The following FMNL2 variants were observed in gnomAD, a reference collection of about 807,000 sequenced individuals.
The protein encoded by FMNL2 is formin like 2, also known as formin-like protein 2.
In FMNL2, 51 loss-of-function variants were observed where a neutral mutation model predicts 130.2. That is an observed-to-expected ratio of 0.39 (90% CI 0.31 to 0.49). The LOEUF (loss-of-function observed/expected upper bound fraction) is 0.49, where lower values mean the gene tolerates loss of function less well. Ranked by LOEUF, FMNL2 falls within the 20% of genes least tolerant of loss-of-function variation. FMNL2 has a pLI of 0.85. For missense variants in FMNL2, 977 were observed against 1,316.2 expected (o/e 0.74, Z 3.99); for synonymous variants, 465 against 467.1 (o/e 1.00, Z 0.06).
At position 152,612,642 on chromosome 2, in the gene FMNL2, G is replaced by T. The variant is rs563872212; in HGVS notation, c.1062+1037G>T. 5.4e-4 allele frequency among the ~76,000 whole-genome samples: 82 copies of T among 152,222 alleles called. 1 individual carries two copies. Among genetic ancestry groups the T allele is most frequent in the Admixed American group, 2.5e-3 (38 of 15,290 alleles). On this transcript the variant is annotated intron_variant, in intron 11 of 25. Transcript: ENST00000288670. ...TTTCCTTCCTTTTTTTTGAGACAGG[G>T]TTTCACTTTGTCAACCAGGCTGGAG...
At chr2:152,481,087 C>T (rs953844739) in intron 1 of FMNL2, among the ~76,000 whole-genome samples, 4 of 152,200 alleles carry the variant, frequency 2.6e-5, no homozygotes, top group Admixed American at 2.0e-4. Context: ...TCTGCCTCTG[C>T]GCATGTTTCA....
At position 152,547,181 on chromosome 2, in the gene FMNL2, G is replaced by A. The variant is rs140673335; in HGVS notation, c.283-1840G>A. On this transcript the variant is annotated intron_variant, in intron 3 of 25. Transcript: ENST00000288670. ...TGGTCCTGAACTCCTGACCTCAGGT[G>A]ATCCACCCACCTTGGCCTCTCAAAG... is the stretch of plus-strand genomic sequence containing the variant. Among the ~76,000 whole-genome samples, 1,351 of 152,238 alleles carry A rather than the reference G, an allele frequency of 8.9e-3. 23 individuals are homozygous for A. The highest frequency in any genetic ancestry group is 0.03 in the African/African-American group (1,248 of 41,534).
chr2:152,554,224 T>C (rs1306309136), intron 4 of FMNL2, among the ~76,000 whole-genome samples: 1 of 152,112 alleles, frequency 6.6e-6, no homozygotes, highest in African/African-American at 2.4e-5. Context: ...CTGGGTAACA[T>C]GGTGAACCCC....
intron 17 of FMNL2, among the ~76,000 whole-genome samples, chr2:152,627,889 G>A (rs2105923952): frequency 6.6e-6 from 1 of 152,314 alleles, no homozygotes; most frequent in South Asian, 2.1e-4. Context: ...GTACTAATGT[G>A]TACAGTGTTA....
At chr2:152,573,316 A>G (rs574208317) in intron 6 of FMNL2, among the ~76,000 whole-genome samples, 1 of 152,338 alleles carries the variant, frequency 6.6e-6, no homozygotes, top group East Asian at 1.9e-4. Flanking sequence ...TGCTGCCAGG[A>G]TGACAGGATG....
chr2:152,462,993 C>T (rs761212230), intron 1 of FMNL2, among the ~76,000 whole-genome samples: 15 of 152,276 alleles, frequency 9.9e-5, no homozygotes, highest in African/African-American at 1.9e-4. Flanking sequence ...CCAACAGATT[C>T]GTTATCCTCT....
Position 152,567,653 on chromosome 2 carries a change from T to A in FMNL2, c.596+6618T>A, listed in dbSNP as rs574807396. Among the ~76,000 whole-genome samples the A allele has an allele frequency of 6.6e-5, 10 of 152,196 alleles. No homozygotes were observed. In the East Asian group the frequency reaches 9.6e-4, roughly 15 times the overall value. ...GAAAGAGGAAACCTAAAACCCCAAA[T>A]CTTGGTTAAAGTTCTATTAGCCCAG... On this transcript the variant is annotated intron_variant, in intron 6 of 25. Coordinates refer to ENST00000288670, the MANE Select transcript of FMNL2 (RefSeq NM_052905.4).
At chr2:152,447,450 A>G (rs1688407436) in intron 1 of FMNL2, among the ~76,000 whole-genome samples, 1 of 152,198 alleles carries the variant, frequency 6.6e-6, no homozygotes. Context: ...TTCTTCAGCT[A>G]GATGGTAATT....
chr2:152,382,599 T>C (rs1449231903), intron 1 of FMNL2, among the ~76,000 whole-genome samples: 1 of 152,136 alleles, frequency 6.6e-6, no homozygotes, highest in Admixed American at 6.5e-5. Flanking sequence ...TAATGTATTA[T>C]GGACTTGAAA....
At chr2:152,558,104 T>C (rs1695325176) in intron 4 of FMNL2, among the ~76,000 whole-genome samples, 1 of 152,220 alleles carries the variant, frequency 6.6e-6, no homozygotes, top group Non-Finnish European at 1.5e-5. Context: ...TATTTAAAAA[T>C]GAATTTTTTA....
At chr2:152,630,300 G>T (rs1682072915) in intron 20 of FMNL2, among the ~76,000 whole-genome samples, 1 of 152,202 alleles carries the variant, frequency 6.6e-6, no homozygotes, top group South Asian at 2.1e-4. Flanking sequence ...AGAAAAGAAA[G>T]CAGGGTATGC....
intron 1 of FMNL2, among the ~76,000 whole-genome samples, chr2:152,452,693 C>T (rs1190041070): frequency 1.3e-5 from 2 of 148,636 alleles, no homozygotes; most frequent in African/African-American, 2.4e-5. Context: ...GAGCAGTAAC[C>T]GAGCAACTCC....
chr2:152,626,179 G>C (rs990075164), intron 16 of FMNL2, among the ~76,000 whole-genome samples: 3 of 152,098 alleles, frequency 2.0e-5, no homozygotes, highest in Admixed American at 6.5e-5. Context: ...TGAGATTACA[G>C]GCACACACTA....
chr2:152,410,854 G>A (rs1351299068), intron 1 of FMNL2, among the ~76,000 whole-genome samples: 1 of 152,168 alleles, frequency 6.6e-6, no homozygotes, highest in Admixed American at 6.5e-5. Context: ...GAGCAGAGTG[G>A]CCTTACGGTA....
intron 1 of FMNL2, among the ~76,000 whole-genome samples, chr2:152,337,150 T>A (rs556507507): frequency 8.0e-4 from 122 of 152,288 alleles, no homozygotes; most frequent in Non-Finnish European, 1.5e-3. Context: ...CTTGTGTTGC[T>A]TTGCATCTCC....
chr2:152,563,052 G>T (rs1165122587), intron 6 of FMNL2, among the ~76,000 whole-genome samples: 1 of 152,148 alleles, frequency 6.6e-6, no homozygotes, highest in Non-Finnish European at 1.5e-5. Flanking sequence ...AACTTCCCAG[G>T]TTCAGGGAGG....
At chr2:152,611,396 G>A (rs754061602) in intron 10 of FMNL2, 99 bp from the exon 11 acceptor site, 131 of 611,558 alleles carry the variant, frequency 2.1e-4, no homozygotes, top group Non-Finnish European at 3.2e-4. Flanking sequence ...AAAGGAAATC[G>A]GTAAGTGAGC....
intron 23 of FMNL2, among the ~76,000 whole-genome samples, chr2:152,638,842 T>G (rs1386239770): frequency 6.6e-6 from 1 of 152,210 alleles, no homozygotes; most frequent in Non-Finnish European, 1.5e-5. Context: ...TTTTTTCACA[T>G]AAAAACATGT....
intron 1 of FMNL2, among the ~76,000 whole-genome samples, chr2:152,436,983 A>ACT (rs1218337682): frequency 4.6e-5 from 7 of 152,168 alleles, no homozygotes; most frequent in African/African-American, 7.2e-5. Context: ...GGAGAGTAGA[A>ACT]GTCCAGCATC....
Sources: allele counts gnomAD v4.1 joint callset (sites outside exome capture counted in the v4.1 genomes callset), GRCh38; gene constraint gnomAD v4.1.1; transcripts MANE v1.5; gene names NCBI Gene and HGNC (gene_info 2026-07-23, HGNC 2026-07-21).